TGM6: variants seen among roughly 807,000 people sequenced by gnomAD.
TGM6 encodes protein-glutamine gamma-glutamyltransferase 6.
Under a neutral mutation model 77.5 loss-of-function variants are expected in TGM6, and 74 were observed. The observed-to-expected ratio is 0.96, with a 90% CI of 0.79 to 1.16. TGM6 has a LOEUF of 1.16. TGM6 is among the 50% of genes most tolerant of loss of function. The pLI, the probability that TGM6 is intolerant of heterozygous loss-of-function variation, is 0.00. For synonymous variants in TGM6, 383 were observed against 378.9 expected, an observed-to-expected ratio of 1.01 and a Z score of -0.12; for missense variants, 968 against 940.2, an observed-to-expected ratio of 1.03 and a Z score of -0.39.
chr20:2,412,133 T>G (rs1359396202), intron 9 of TGM6, among the ~76,000 whole-genome samples: 1 of 152,176 alleles, frequency 6.6e-6, no homozygotes, highest in Non-Finnish European at 1.5e-5. Context: ...ATACATACAA[T>G]GGAATATTAT....
At chr20:2,388,010 A>G (rs2084607310) in intron 1 of TGM6, among the ~76,000 whole-genome samples, 1 of 152,180 alleles carries the variant, frequency 6.6e-6, no homozygotes, top group African/African-American at 2.4e-5. Context: ...AAGAGCAAGC[A>G]ACCCAAGGGA....
chr20:2,388,208 T>C (rs2084608612), intron 1 of TGM6, among the ~76,000 whole-genome samples: 2 of 152,226 alleles, frequency 1.3e-5, no homozygotes, highest in African/African-American at 4.8e-5. Flanking sequence ...CAACCACCTT[T>C]GGAAAATCAA....
At chr20:2,430,631 C>T in intron 11 of TGM6, 31 bp downstream of exon 11, 1 of 1,613,312 alleles carries the variant, frequency 6.2e-7, no homozygotes. Context: ...CCATGCTGTT[C>T]CTAGTGGCAC....
At chr20:2,425,557 A>G (rs896639180) in intron 10 of TGM6, among the ~76,000 whole-genome samples, 4 of 152,182 alleles carry the variant, frequency 2.6e-5, no homozygotes, top group Admixed American at 2.6e-4. Context: ...TGTCTTGATG[A>G]CTGTACCTTT....
At chr20:2,406,831 CAAAAAAAAAAAAAAAAAAAA>C (rs3050731) in intron 9 of TGM6, among the ~76,000 whole-genome samples, 7 of 63,688 alleles carry the variant, frequency 1.1e-4, no homozygotes, top group East Asian at 3.9e-4. Context: ...CGAAACTCCT[CAAAAAAAAAAAAAAAAAAAA>C]AAAAAAAAAA....
chr20:2,386,392 A>T (rs988640750), intron 1 of TGM6, among the ~76,000 whole-genome samples: 3 of 151,964 alleles, frequency 2.0e-5, no homozygotes, highest in African/African-American at 4.8e-5. Context: ...TGGGCAGGGG[A>T]GGTGCCGGGG....
intron 5 of TGM6, 141 bp downstream of exon 5, chr20:2,398,187 G>A: frequency 7.2e-7 from 1 of 1,389,990 alleles, no homozygotes; most frequent in Non-Finnish European, 1.0e-6. Flanking sequence ...AAACTCAGTG[G>A]TGTAAAACAA....
chr20:2,404,486 C>G (rs2084736350), intron 9 of TGM6, among the ~76,000 whole-genome samples: 1 of 152,134 alleles, frequency 6.6e-6, no homozygotes, highest in South Asian at 2.1e-4. Flanking sequence ...ACTTCAAGCT[C>G]AAACTTGAAT....
In TGM6 at chr20:2,422,057, G is replaced by A. The variant is rs537162924; in HGVS notation, c.1678+4484G>A. On this transcript the variant is annotated intron_variant, in intron 10 of 12. Coordinates refer to ENST00000202625, the MANE Select transcript of TGM6 (RefSeq NM_198994.3). ...TGAGGCAGGAGAATCGCTTGAACCC[G>A]GGAGGCGGAGGTTGCAGTGAGCCAA... Among the ~76,000 whole-genome samples the A allele has an allele frequency of 6.8e-4, 104 of 152,182 alleles. 1 individual carries two copies. Among genetic ancestry groups the A allele is most frequent in the African/African-American group, 2.2e-3 (93 of 41,520 alleles).
At chr20:2,406,440 A>G (rs1568662349) in intron 9 of TGM6, among the ~76,000 whole-genome samples, 1 of 150,550 alleles carries the variant, frequency 6.6e-6, no homozygotes, top group Non-Finnish European at 1.5e-5. Context: ...TTGCAGTGAG[A>G]CAAGATTGTG....
chr20:2,402,813 C>T (rs1370986870), intron 7 of TGM6, among the ~76,000 whole-genome samples: 1 of 152,142 alleles, frequency 6.6e-6, no homozygotes, highest in Non-Finnish European at 1.5e-5. Context: ...CCCTACCTAC[C>T]CCCTCTGCTG....
At chr20:2,422,627 G>T (rs1167644270) in intron 10 of TGM6, among the ~76,000 whole-genome samples, 1 of 151,822 alleles carries the variant, frequency 6.6e-6, no homozygotes, top group East Asian at 1.9e-4. Flanking sequence ...ATACTTTACG[G>T]CTATAAAATG....
At chr20:2,414,942 G>C (rs915467846) in intron 9 of TGM6, among the ~76,000 whole-genome samples, 1 of 138,722 alleles carries the variant, frequency 7.2e-6, no homozygotes, top group Non-Finnish European at 1.5e-5. Flanking sequence ...TTTGGGGGGG[G>C]GGGTGAAAAA....
rs762242728 is a variant in TGM6, at chr20:2,403,496, T to A, written c.1089T>A (p.Ser363Arg). 6.2e-7 allele frequency: 1 copy of A among 1,613,488 alleles called. No homozygotes were observed. The highest frequency in any genetic ancestry group is 1.3e-5 in the African/African-American group (1 of 74,712). The change falls in exon 8 of 13, where the codon AGT becomes AGA. Residue 363 changes from serine to arginine, a missense_variant. Ser to Arg is a moderately radical substitution (Grantham distance 110). Coordinates refer to ENST00000202625, the MANE Select transcript of TGM6 (RefSeq NM_198994.3). ...QVLDATPQEE[S>R]EGVFRCGPAS... Reference sequence around the variant, plus strand: ...TGGATGCCACCCCCCAGGAGGAGAGTGAAGGTACGCTCAATTGGGTGGGGT... The same window carrying A: ...TGGATGCCACCCCCCAGGAGGAGAGAGAAGGTACGCTCAATTGGGTGGGGT...
chr20:2,426,631 G>A (rs1442915390), intron 10 of TGM6, among the ~76,000 whole-genome samples: 1 of 152,144 alleles, frequency 6.6e-6, no homozygotes, highest in Non-Finnish European at 1.5e-5. Flanking sequence ...TCACCAATAA[G>A]GACAATGTTT....
chr20:2,414,467 T>C (rs1277103643), intron 9 of TGM6, among the ~76,000 whole-genome samples: 3 of 152,128 alleles, frequency 2.0e-5, no homozygotes, highest in Non-Finnish European at 2.9e-5. Context: ...CTGGTGGAAA[T>C]TTACAATTGT....
At chr20:2,415,299 G>C (rs1389630077) in intron 9 of TGM6, among the ~76,000 whole-genome samples, 1 of 152,166 alleles carries the variant, frequency 6.6e-6, no homozygotes, top group Non-Finnish European at 1.5e-5. Context: ...TACCTTCAGG[G>C]GAGAGTGGTG....
chr20:2,412,787 T>C (rs2084792392), intron 9 of TGM6, among the ~76,000 whole-genome samples: 1 of 151,958 alleles, frequency 6.6e-6, no homozygotes, highest in Non-Finnish European at 1.5e-5. Flanking sequence ...TACAATAGCA[T>C]CAAAAAGAAT....
At chr20:2,390,055 T>TCC (rs952056207) in intron 1 of TGM6, among the ~76,000 whole-genome samples, 27 of 152,288 alleles carry the variant, frequency 1.8e-4, no homozygotes, top group African/African-American at 5.5e-4. Context: ...CTTTGAACTC[T>TCC]CCCCAAACCA....
Sources: allele counts gnomAD v4.1 joint callset (sites outside exome capture counted in the v4.1 genomes callset), GRCh38; gene constraint gnomAD v4.1.1; transcripts MANE v1.5; gene names NCBI Gene and HGNC (gene_info 2026-07-23, HGNC 2026-07-21).